Variants in PRKN observed in about 807,000 individuals in gnomAD.
PRKN encodes E3 ubiquitin-protein ligase parkin.
PRKN carries 56 observed loss-of-function variants against 59.5 expected under a neutral mutation model. The ratio of observed to expected loss-of-function variants is 0.94; its 90% confidence interval spans 0.76 to 1.18. The LOEUF is 1.18. Among genes scored for constraint, PRKN ranks in the 50% most tolerant of loss-of-function variants. The pLI is 0.00. For missense variants in PRKN, 657 were observed against 596.4 expected, an observed-to-expected ratio of 1.10 and a Z score of -1.06; for synonymous variants, 250 against 222.1, an observed-to-expected ratio of 1.13 and a Z score of -1.12.
intron 7 of PRKN, among the ~76,000 whole-genome samples, chr6:161,601,863 T>C (rs1782119654): frequency 6.6e-6 from 1 of 152,222 alleles, no homozygotes; most frequent in Non-Finnish European, 1.5e-5. Context: ...ATTACAGGCA[T>C]GAGCCACCGC....
chr6:161,417,976 GGGCCTGGCCCCCA>G lies in PRKN; in HGVS notation c.1084-31112_1084-31100del, dbSNP rs766232291. Among the ~76,000 whole-genome samples, 1 of 152,172 alleles carries G rather than the reference GGGCCTGGCCCCCA, an allele frequency of 6.6e-6. No homozygotes were observed. The highest frequency in any genetic ancestry group is 2.4e-5 in the African/African-American group (1 of 41,418). On this transcript the variant is annotated intron_variant, in intron 9 of 11. Coordinates refer to ENST00000366898, the MANE Select transcript of PRKN (RefSeq NM_004562.3). This position sits in a 1 kb window ranked among gnomAD's most constrained non-coding sequence, Gnocchi z 5.4. ...AGGCTGGCTTCCCACGCTCCCTCCT[GGGCCTGGCCCCCA>G]GGCCTGGCTGACTCCATGGGGGGCC...
At chr6:162,527,118 G>A (rs934507481) in intron 1 of PRKN, among the ~76,000 whole-genome samples, 1 of 152,156 alleles carries the variant, frequency 6.6e-6, no homozygotes, top group Non-Finnish European at 1.5e-5. Context: ...CTGCTTAATC[G>A]AAGGTAGGAG....
intron 7 of PRKN, among the ~76,000 whole-genome samples, chr6:161,670,533 A>G (rs1784869960): frequency 6.6e-6 from 1 of 152,114 alleles, no homozygotes; most frequent in Admixed American, 6.5e-5. Flanking sequence ...TACACCAGTC[A>G]AGCTGGGCGC....
intron 9 of PRKN, among the ~76,000 whole-genome samples, chr6:161,492,277 G>A (rs1777587307): frequency 1.3e-5 from 2 of 152,212 alleles, no homozygotes; most frequent in African/African-American, 2.4e-5. Flanking sequence ...GGATGGCACA[G>A]GCCCGGGGTG....
intron 1 of PRKN, among the ~76,000 whole-genome samples, chr6:162,715,613 C>T (rs964247083): frequency 7.9e-5 from 12 of 152,162 alleles, no homozygotes; most frequent in African/African-American, 2.7e-4. Context: ...TCACTTTCAG[C>T]GACAAGACAC....
chr6:162,443,351 T>G lies in PRKN; in HGVS notation c.130A>C (p.Ile44Leu), dbSNP rs1210977280. The change falls in exon 2 of 12, where the codon ATT (isoleucine) becomes CTT (leucine). Residue 44 changes from isoleucine (I) to leucine (L), a missense_variant. By Grantham distance (5) the Ile-to-Leu change is conservative (BLOSUM62 2). Transcript: ENST00000366898. ...TTCCTCAGCTCCTTCCCTGCGAAAA[T>G]CACACGCAACTGGTCAGCCGGAACC... ...QGVPADQLRV[I>L]FAGKELRNDW... The G allele has an allele frequency of 6.2e-7, 1 of 1,613,134 alleles. No homozygotes were observed. Among genetic ancestry groups the G allele is most frequent in the South Asian group, 1.1e-5 (1 of 91,040 alleles).
At chr6:161,743,492 G>T (rs542121955) in intron 7 of PRKN, among the ~76,000 whole-genome samples, 1 of 151,350 alleles carries the variant, frequency 6.6e-6, no homozygotes, top group African/African-American at 2.4e-5. Context: ...CTTGTGATCC[G>T]CCTGCCTCGG....
chr6:162,588,374 T>A (rs1171909030), intron 1 of PRKN, among the ~76,000 whole-genome samples: 2 of 150,802 alleles, frequency 1.3e-5, no homozygotes, highest in Non-Finnish European at 3.0e-5. Context: ...GATCAGAATG[T>A]AATATTCCTC....
intron 6 of PRKN, among the ~76,000 whole-genome samples, chr6:161,920,600 C>T (rs779066555): frequency 4.6e-5 from 7 of 151,860 alleles, no homozygotes; most frequent in African/African-American, 7.3e-5. Context: ...TCCTGGCCAA[C>T]ATGGTGAAAC....
intron 9 of PRKN, among the ~76,000 whole-genome samples, chr6:161,450,564 C>T (rs897040929): frequency 2.0e-5 from 3 of 149,896 alleles, no homozygotes; most frequent in African/African-American, 7.3e-5. Flanking sequence ...CTTTTTCTTC[C>T]TTTTTTTTTT....
intron 2 of PRKN, among the ~76,000 whole-genome samples, chr6:162,376,634 C>G (rs1296667759): frequency 6.7e-6 from 1 of 150,370 alleles, no homozygotes; most frequent in East Asian, 2.0e-4. Flanking sequence ...TCCCAGACAG[C>G]TTGAATATTA....
intron 1 of PRKN, among the ~76,000 whole-genome samples, chr6:162,664,178 A>G (rs1164983340): frequency 6.6e-6 from 1 of 152,120 alleles, no homozygotes; most frequent in Non-Finnish European, 1.5e-5. Flanking sequence ...TTTGCTGAGG[A>G]TGATGGCTTC....
chr6:161,433,997 A>G (rs145098858), intron 9 of PRKN, among the ~76,000 whole-genome samples: 3,570 of 143,420 alleles, frequency 0.025, 56 homozygotes, highest in Middle Eastern at 0.086. Context: ...AGCCTGGGTG[A>G]CAAGAGCGAA....
At chr6:162,720,561 C>CT (rs781039875) in intron 1 of PRKN, among the ~76,000 whole-genome samples, 39 of 151,568 alleles carry the variant, frequency 2.6e-4, no homozygotes, top group Middle Eastern at 3.4e-3. Context: ...CGCCATTCTC[C>CT]TGCCTCAGCC....
chr6:161,612,718 CAAAAAAAAAAAAA>C (rs57084261), intron 7 of PRKN, among the ~76,000 whole-genome samples: 2 of 59,630 alleles, frequency 3.4e-5, no homozygotes, highest in African/African-American at 1.3e-4. Flanking sequence ...GACTCCATCT[CAAAAAAAAAAAAA>C]AAAAAAAAAA....
intron 4 of PRKN, among the ~76,000 whole-genome samples, chr6:162,087,444 G>T (rs1779288297): frequency 6.6e-6 from 1 of 151,916 alleles, no homozygotes; most frequent in Non-Finnish European, 1.5e-5. Flanking sequence ...AGTTGGCACA[G>T]ATTAGAATTT....
At chr6:161,364,473 CAAAAAAAA>C (rs57773007) in intron 10 of PRKN, among the ~76,000 whole-genome samples, 6 of 37,894 alleles carry the variant, frequency 1.6e-4, no homozygotes, top group South Asian at 1.6e-3. Context: ...ACCCGCCCCG[CAAAAAAAA>C]AAAAAAAAAA....
At chr6:161,639,099 G>C (rs1285611982) in intron 7 of PRKN, among the ~76,000 whole-genome samples, 2 of 152,156 alleles carry the variant, frequency 1.3e-5, no homozygotes, top group East Asian at 3.9e-4. Flanking sequence ...GCCATGTGAA[G>C]AAGGACATGT....
At chr6:162,033,822 T>C (rs1293696440) in intron 5 of PRKN, among the ~76,000 whole-genome samples, 2 of 152,210 alleles carry the variant, frequency 1.3e-5, no homozygotes, top group Non-Finnish European at 2.9e-5. Context: ...TTCCATCTTT[T>C]CTATCTTGTT....
Sources: allele counts gnomAD v4.1 joint callset (sites outside exome capture counted in the v4.1 genomes callset), GRCh38; gene constraint gnomAD v4.1.1; non-coding constraint Gnocchi (gnomAD v3.1); transcripts MANE v1.5; gene names NCBI Gene and HGNC (gene_info 2026-07-23, HGNC 2026-07-21).